MOB3B: variants seen among roughly 807,000 people sequenced by gnomAD.
MOB3B encodes the protein MOB kinase activator-like 2B.
In MOB3B, 7 loss-of-function variants were observed where a neutral mutation model predicts 18.7. The observed-to-expected ratio is 0.37, with a 90% confidence interval of 0.21 to 0.70. MOB3B has a LOEUF of 0.70. MOB3B is among the 30% of genes least tolerant of loss of function. The pLI is 0.52. For synonymous variants in MOB3B, 111 were observed against 99.9 expected (o/e 1.11, Z -0.66); for missense variants, 253 against 281.3 (o/e 0.90, Z 0.72).
At chr9:27,483,306 G>T (rs958880166) in intron 1 of MOB3B, among the ~76,000 whole-genome samples, 1 of 151,666 alleles carries the variant, frequency 6.6e-6, no homozygotes, top group Non-Finnish European at 1.5e-5. Context: ...CTAATTTTTT[G>T]TATTTTTAAT....
intron 2 of MOB3B, among the ~76,000 whole-genome samples, chr9:27,413,553 A>G (rs1409644625): frequency 6.6e-6 from 1 of 152,348 alleles, no homozygotes; most frequent in East Asian, 1.9e-4. Flanking sequence ...TGTTTTTAAA[A>G]CTTACTCTCG....
chr9:27,420,371 C>T (rs982436390), intron 2 of MOB3B, among the ~76,000 whole-genome samples: 78 of 151,796 alleles, frequency 5.1e-4, no homozygotes, highest in African/African-American at 1.8e-3. Context: ...TTTATAGCAG[C>T]ACAATTCACA....
At chr9:27,389,979 T>A (rs978855420) in intron 2 of MOB3B, among the ~76,000 whole-genome samples, 1 of 152,148 alleles carries the variant, frequency 6.6e-6, no homozygotes, top group Admixed American at 6.5e-5. Flanking sequence ...AAAATAAAAG[T>A]TGTTACTTGG....
intron 2 of MOB3B, among the ~76,000 whole-genome samples, chr9:27,369,854 C>A (rs536589853): frequency 6.6e-6 from 1 of 152,256 alleles, no homozygotes; most frequent in African/African-American, 2.4e-5. Context: ...TCCCTGGCCA[C>A]CTCACCCTCA....
chr9:27,360,975 G>A (rs1821266806), intron 2 of MOB3B, among the ~76,000 whole-genome samples: 2 of 152,144 alleles, frequency 1.3e-5, no homozygotes, highest in Non-Finnish European at 2.9e-5. Flanking sequence ...TCTCAGTGGA[G>A]AGGGGCCTGC....
At chr9:27,524,374 G>A (rs200880051) in intron 1 of MOB3B, 619 of 1,599,558 alleles carry the variant, frequency 3.9e-4, no homozygotes, top group Non-Finnish European at 3.6e-4. Context: ...AAGTGTTTGT[G>A]GCTTGAGATC....
chr9:27,342,883 G>A lies in MOB3B; in HGVS notation c.622-12267C>T, dbSNP rs973320836. Among the ~76,000 whole-genome samples the A allele has an allele frequency of 1.8e-3, 273 of 150,950 alleles. 1 individual carries two copies. The highest frequency in any genetic ancestry group is 2.9e-3 in the Non-Finnish European group (200 of 67,980). On this transcript the variant is annotated intron_variant, in intron 3 of 3. Coordinates refer to ENST00000262244, the MANE Select transcript of MOB3B (RefSeq NM_024761.5). ...CCGAGATTGCAGCCTCTGCCCGGCCGCCACCCCGTCTGGGAAGTGAGGAGC... is the reference window on the plus strand; with the variant it reads ...CCGAGATTGCAGCCTCTGCCCGGCCACCACCCCGTCTGGGAAGTGAGGAGC...
chr9:27,381,489 G>A (rs1393117321), intron 2 of MOB3B, among the ~76,000 whole-genome samples: 4 of 152,060 alleles, frequency 2.6e-5, no homozygotes, highest in African/African-American at 9.7e-5. Context: ...GAGTGGCCCT[G>A]GAATTCTGCT....
At chr9:27,405,757 C>G (rs184715154) in intron 2 of MOB3B, among the ~76,000 whole-genome samples, 1 of 152,116 alleles carries the variant, frequency 6.6e-6, no homozygotes, top group Non-Finnish European at 1.5e-5. Flanking sequence ...TTCAACAAGG[C>G]AAGGATAATT....
chr9:27,359,382 G>GC (rs60887148), intron 2 of MOB3B, 146 bp from the exon 3 acceptor site: 3 of 607,542 alleles, frequency 4.9e-6, no homozygotes, highest in African/African-American at 3.8e-5. Flanking sequence ...TGTGTGTGGG[G>GC]GGGGGGGGTT....
In MOB3B at chr9:27,489,741, C is replaced by CTTT. The variant is rs66757462; in HGVS notation, c.-198-33996_-198-33994dup. Among the ~76,000 whole-genome samples the CTTT allele has an allele frequency of 5.7e-4, 42 of 73,118 alleles. 6 individuals are homozygous for CTTT. Among genetic ancestry groups the CTTT allele is most frequent in the Non-Finnish European group, 1.0e-3 (39 of 38,980 alleles). 48.0% of individuals were successfully genotyped at this position (73,118 alleles called of 152,430 possible). ...ACATCACACCAGATAAGGAAATAATCTTTTTTTTTTTTTGGTCCAACAGGG... is the reference window on the plus strand; with the variant it reads ...ACATCACACCAGATAAGGAAATAATCTTTTTTTTTTTTTTTTGGTCCAACAGGG... On this transcript the variant is annotated intron_variant, in intron 1 of 3. Coordinates refer to ENST00000262244, the MANE Select transcript of MOB3B (RefSeq NM_024761.5).
intron 1 of MOB3B, among the ~76,000 whole-genome samples, chr9:27,461,266 G>C (rs1028271634): frequency 1.3e-5 from 2 of 152,110 alleles, no homozygotes; most frequent in African/African-American, 4.8e-5. Context: ...AATGAACATC[G>C]TCTGACCTTT....
chr9:27,341,398 T>C (rs1249068154), intron 3 of MOB3B, among the ~76,000 whole-genome samples: 1 of 152,222 alleles, frequency 6.6e-6, no homozygotes, highest in African/African-American at 2.4e-5. Flanking sequence ...GAGCTTGCCA[T>C]TGCTTAATAA....
chr9:27,391,635 C>A (rs1821729470), intron 2 of MOB3B: 1 of 152,190 alleles, frequency 6.6e-6, no homozygotes, highest in South Asian at 2.1e-4. Flanking sequence ...TCTCAATTGA[C>A]TTGCAATCAA....
chr9:27,529,488 C>T, intron 1 of MOB3B, 67 bp downstream of exon 1: 1 of 950,222 alleles, frequency 1.1e-6, no homozygotes, highest in Non-Finnish European at 1.3e-6. Flanking sequence ...CCCGCCCGGG[C>T]GAGATCGGGA....
intron 2 of MOB3B, among the ~76,000 whole-genome samples, chr9:27,439,424 C>G (rs1822562337): frequency 6.6e-6 from 1 of 152,184 alleles, no homozygotes; most frequent in Non-Finnish European, 1.5e-5. Flanking sequence ...CATATACACA[C>G]TCAACATTCA....
chr9:27,508,654 C>A (rs1465005294), intron 1 of MOB3B, among the ~76,000 whole-genome samples: 1 of 151,896 alleles, frequency 6.6e-6, no homozygotes, highest in Non-Finnish European at 1.5e-5. Context: ...TGTCAGATAC[C>A]CCTAATAAAT....
At chr9:27,370,328 G>A (rs907274023) in intron 2 of MOB3B, among the ~76,000 whole-genome samples, 1 of 152,010 alleles carries the variant, frequency 6.6e-6, no homozygotes, top group Admixed American at 6.6e-5. Flanking sequence ...GACCAACATG[G>A]AGAAACCCCG....
At chr9:27,425,890 G>C (rs1822321427) in intron 2 of MOB3B, among the ~76,000 whole-genome samples, 1 of 152,160 alleles carries the variant, frequency 6.6e-6, no homozygotes, top group Non-Finnish European at 1.5e-5. Context: ...GGCCTGAAAT[G>C]AGGGACTGGA....
Sources: allele counts gnomAD v4.1 joint callset (sites outside exome capture counted in the v4.1 genomes callset), GRCh38; gene constraint gnomAD v4.1.1; transcripts MANE v1.5; gene names NCBI Gene and HGNC (gene_info 2026-07-23, HGNC 2026-07-21).